PCDH15: variants seen among roughly 807,000 people sequenced by gnomAD.
PCDH15 encodes protocadherin-15.
A neutral mutation model predicts 178.5 loss-of-function variants in PCDH15; 129 were observed. The ratio of observed to expected loss-of-function variants is 0.72; its 90% CI spans 0.63 to 0.84. The LOEUF is 0.84. Among genes scored for constraint, PCDH15 ranks in the 40% least tolerant of loss-of-function variants. PCDH15 has a pLI of 0.00. For missense variants in PCDH15, 2,230 were observed against 2,099.9 expected (o/e 1.06, Z -1.21); for synonymous variants, 800 against 732.0 (o/e 1.09, Z -1.50).
chr10:55,168,680 T>G (rs1591960165), intron 1 of PCDH15, among the ~76,000 whole-genome samples: 1 of 152,200 alleles, frequency 6.6e-6, no homozygotes, highest in Non-Finnish European at 1.5e-5. Flanking sequence ...AAATTGTAGA[T>G]TTAAAAATTA....
intron 25 of PCDH15, among the ~76,000 whole-genome samples, chr10:53,932,262 T>A (rs1248739572): frequency 6.6e-6 from 1 of 152,210 alleles, no homozygotes; most frequent in African/African-American, 2.4e-5. Flanking sequence ...GAACAGGATT[T>A]AAGAAAACTG....
At chr10:55,626,697 G>A (rs903467712) in intron 2 of PCDH15, among the ~76,000 whole-genome samples, 5 of 152,112 alleles carry the variant, frequency 3.3e-5, no homozygotes, top group African/African-American at 1.2e-4. Context: ...TGTAATTCCT[G>A]TTATTAGCTA....
intron 9 of PCDH15, among the ~76,000 whole-genome samples, chr10:54,222,708 G>T (rs1443021793): frequency 6.6e-6 from 1 of 152,088 alleles, no homozygotes; most frequent in Non-Finnish European, 1.5e-5. Flanking sequence ...ATTCATTGAG[G>T]TATTAATTTG....
chr10:54,602,108 C>A (rs982116479), intron 2 of PCDH15, among the ~76,000 whole-genome samples: 1 of 151,808 alleles, frequency 6.6e-6, no homozygotes, highest in Admixed American at 6.6e-5. Context: ...TATAACAAAC[C>A]TGCACATATA....
At chr10:54,447,485 G>A (rs535135540) in intron 3 of PCDH15, among the ~76,000 whole-genome samples, 17 of 151,696 alleles carry the variant, frequency 1.1e-4, no homozygotes, top group South Asian at 8.3e-4. Context: ...ATTATGTCAT[G>A]TTTGTTTTTA....
intron 3 of PCDH15, among the ~76,000 whole-genome samples, chr10:54,855,786 C>T (rs917139262): frequency 1.3e-5 from 2 of 152,180 alleles, no homozygotes; most frequent in Non-Finnish European, 2.9e-5. Context: ...CTTCCTGGTG[C>T]TTTCCCTGTG....
chr10:54,463,788 C>A (rs2077344340), intron 3 of PCDH15, among the ~76,000 whole-genome samples: 1 of 151,626 alleles, frequency 6.6e-6, no homozygotes, highest in African/African-American at 2.4e-5. Flanking sequence ...AAAGTGATTC[C>A]AAAGCGGTAG....
intron 2 of PCDH15, among the ~76,000 whole-genome samples, chr10:54,912,951 CA>C (rs1174112293): frequency 1.2e-4 from 19 of 152,110 alleles, no homozygotes; most frequent in African/African-American, 4.3e-4. Context: ...TGCCTCTGCT[CA>C]AGATGTGACC....
At chr10:55,532,634 G>C (rs559434412) in intron 2 of PCDH15, among the ~76,000 whole-genome samples, 2 of 152,162 alleles carry the variant, frequency 1.3e-5, no homozygotes, top group South Asian at 4.1e-4. Context: ...AAGCAGCTTT[G>C]TGTTCTGGCT....
At chr10:55,263,821 G>A (rs150735087) in intron 1 of PCDH15, among the ~76,000 whole-genome samples, 2,872 of 152,142 alleles carry the variant, frequency 0.019, 83 homozygotes, top group African/African-American at 0.066. Context: ...TGCAAGCTCT[G>A]CCTCGTGGGT....
chr10:53,947,853 A>G (rs1324461068), intron 23 of PCDH15, among the ~76,000 whole-genome samples: 2 of 152,210 alleles, frequency 1.3e-5, no homozygotes, highest in African/African-American at 4.8e-5. Context: ...ACAAAAACTG[A>G]AGTATAAACA....
intron 2 of PCDH15, among the ~76,000 whole-genome samples, chr10:55,113,252 A>G (rs577268341): frequency 1.3e-5 from 2 of 152,308 alleles, no homozygotes; most frequent in Admixed American, 6.5e-5. Context: ...GTTAAAGTCC[A>G]TAATTTATTC....
intron 2 of PCDH15, among the ~76,000 whole-genome samples, chr10:54,929,602 G>A (rs1355619848): frequency 1.3e-5 from 2 of 152,068 alleles, no homozygotes; most frequent in African/African-American, 4.8e-5. Flanking sequence ...GTGGCCCATT[G>A]GCCAAATTTG....
intron 2 of PCDH15, among the ~76,000 whole-genome samples, chr10:54,936,613 T>C (rs894682807): frequency 2.6e-5 from 4 of 152,078 alleles, no homozygotes; most frequent in Admixed American, 2.0e-4. Context: ...GAATTTAATT[T>C]TCTCTTCACA....
chr10:54,653,192 A>C (rs1402507251), intron 2 of PCDH15, among the ~76,000 whole-genome samples: 1 of 152,172 alleles, frequency 6.6e-6, no homozygotes, highest in Non-Finnish European at 1.5e-5. Context: ...TCATTCATCT[A>C]ACACGGTTAC....
intron 21 of PCDH15, among the ~76,000 whole-genome samples, chr10:53,969,118 T>G (rs920641370): frequency 9.9e-5 from 15 of 152,116 alleles, no homozygotes; most frequent in African/African-American, 3.4e-4. Context: ...GAAAAAAGAT[T>G]AGACAAATGG....
intron 3 of PCDH15, among the ~76,000 whole-genome samples, chr10:54,398,307 ATGT>A (rs1368692982): frequency 2.6e-5 from 4 of 151,948 alleles, no homozygotes; most frequent in African/African-American, 9.7e-5. Context: ...TATCCTAATG[ATGT>A]TGTTATGTTA....
At chr10:54,460,591 A>T (rs1229657686) in intron 3 of PCDH15, among the ~76,000 whole-genome samples, 1 of 152,096 alleles carries the variant, frequency 6.6e-6, no homozygotes, top group African/African-American at 2.4e-5. Context: ...GCAGAAGATT[A>T]AAAGAGAAGC....
chr10:55,110,250 A>AATC (rs1837466151), intron 2 of PCDH15, among the ~76,000 whole-genome samples: 1 of 152,002 alleles, frequency 6.6e-6, no homozygotes, highest in South Asian at 2.1e-4. Flanking sequence ...TATACTTTCT[A>AATC]AGGATACAGA....
Sources: gnomAD v4.1 joint callset for allele counts (sites outside exome capture counted in the v4.1 genomes callset) on GRCh38, gnomAD v4.1.1 for gene constraint, MANE v1.5 for transcripts, NCBI Gene and HGNC (gene_info 2026-07-23, HGNC 2026-07-21) for gene names.